DLGAP2: variants seen among roughly 807,000 people sequenced by gnomAD.
DLGAP2 encodes disks large-associated protein 2.
Under a neutral mutation model 100.3 loss-of-function variants are expected in DLGAP2, and 26 were observed. The ratio of observed to expected loss-of-function variants is 0.26; its 90% CI spans 0.19 to 0.36. The LOEUF (loss-of-function observed/expected upper bound fraction) is 0.36, where lower values mean the gene tolerates loss of function less well. DLGAP2 is among the 10% of genes least tolerant of loss of function. DLGAP2 has a pLI of 1.00. For synonymous variants in DLGAP2, 886 were observed against 630.1 expected (o/e 1.41, Z -6.08); for missense variants, 1,858 against 1,453.2 (o/e 1.28, Z -4.53).
intron 2 of DLGAP2, among the ~76,000 whole-genome samples, chr8:911,856 C>G (rs940750022): frequency 6.6e-6 from 1 of 152,210 alleles, no homozygotes; most frequent in South Asian, 2.1e-4. Flanking sequence ...TCCACATTTC[C>G]CTGACAGTGA....
In DLGAP2 at chr8:1,676,548, G is replaced by T. The variant is rs1798815190; in HGVS notation, c.2218G>T (p.Asp740Tyr). The change falls in exon 11 of 15, where the codon GAT (aspartate) becomes TAT (tyrosine). Residue 740 changes from aspartate (D) to tyrosine (Y), a missense_variant. Physicochemically the swap from Asp to Tyr is radical, Grantham distance 160. Transcript: ENST00000637795. ...GTTGAATTAGGTGGAAACGGCCACA[G>T]ATTCTGACACGGAGAGCCGCGGTCT... ...YPRSDVETAT[D>Y]SDTESRGLRE... is the part of the protein sequence containing the mutation. 1 of 1,613,424 alleles carries T rather than the reference G, an allele frequency of 6.2e-7. No homozygotes were observed. The highest frequency in any genetic ancestry group is 2.2e-5 in the East Asian group (1 of 44,878).
At chr8:1,565,162 G>A (rs1236521195) in intron 5 of DLGAP2, among the ~76,000 whole-genome samples, 1 of 152,180 alleles carries the variant, frequency 6.6e-6, no homozygotes, top group South Asian at 2.1e-4. Context: ...GATGTGGCTG[G>A]GCAAGATCCT....
At chr8:1,244,180 C>T (rs564314679) in intron 2 of DLGAP2, among the ~76,000 whole-genome samples, 47 of 152,326 alleles carry the variant, frequency 3.1e-4, no homozygotes, top group African/African-American at 9.1e-4. Flanking sequence ...CCTCTGAGTG[C>T]GATACGGTTA....
At chr8:1,199,471 C>G (rs1272618126) in intron 2 of DLGAP2, among the ~76,000 whole-genome samples, 2 of 152,112 alleles carry the variant, frequency 1.3e-5, no homozygotes, top group Non-Finnish European at 2.9e-5. Context: ...GGTAGGAGGA[C>G]ACAGTAAAGG....
chr8:1,677,247 A>G (rs1369067164), intron 11 of DLGAP2, among the ~76,000 whole-genome samples: 2 of 152,096 alleles, frequency 1.3e-5, no homozygotes, highest in Non-Finnish European at 2.9e-5. Flanking sequence ...CACCCACCCT[A>G]TGGAGATTTT....
chr8:1,653,855 A>G (rs995907286), intron 8 of DLGAP2, among the ~76,000 whole-genome samples: 3 of 152,128 alleles, frequency 2.0e-5, no homozygotes, highest in African/African-American at 7.2e-5. Flanking sequence ...GATTTAGGAT[A>G]TATTCATTTG....
chr8:1,207,639 C>G (rs535835749), intron 2 of DLGAP2, among the ~76,000 whole-genome samples: 1 of 152,184 alleles, frequency 6.6e-6, no homozygotes, highest in African/African-American at 2.4e-5. Flanking sequence ...TAAGGAGTCT[C>G]CACACTGTTT....
intron 2 of DLGAP2, among the ~76,000 whole-genome samples, chr8:1,183,859 C>T (rs75431443): frequency 0.031 from 4,691 of 152,298 alleles, 113 homozygotes; most frequent in East Asian, 0.16. Flanking sequence ...AGCAGGTGTG[C>T]ACCCTGGGTA....
chr8:1,523,206 G>A (rs1800670057), intron 4 of DLGAP2, among the ~76,000 whole-genome samples: 1 of 152,222 alleles, frequency 6.6e-6, no homozygotes, highest in Non-Finnish European at 1.5e-5. Context: ...TCCTGCCAGG[G>A]GCCCACAGCA....
chr8:1,343,397 C>G (rs1364187008), intron 3 of DLGAP2, among the ~76,000 whole-genome samples: 2 of 152,088 alleles, frequency 1.3e-5, no homozygotes, highest in African/African-American at 4.8e-5. Context: ...AGCCTGTGTC[C>G]TGGGGTTTTC....
At chr8:1,650,117 T>C (rs1798129056) in intron 8 of DLGAP2, among the ~76,000 whole-genome samples, 1 of 152,204 alleles carries the variant, frequency 6.6e-6, no homozygotes, top group Admixed American at 6.5e-5. Flanking sequence ...AACGAGTATT[T>C]CTTGTATCCA....
chr8:1,468,931 G>C (rs192206735), intron 3 of DLGAP2, among the ~76,000 whole-genome samples: 1 of 152,238 alleles, frequency 6.6e-6, no homozygotes, highest in Non-Finnish European at 1.5e-5. Flanking sequence ...TCTCTCCTTA[G>C]AAAGACATCG....
chr8:765,498 C>T (rs920117477), intron 1 of DLGAP2, among the ~76,000 whole-genome samples: 3 of 151,994 alleles, frequency 2.0e-5, no homozygotes, highest in East Asian at 1.9e-4. Flanking sequence ...TTGCCAGATA[C>T]GTGGCATTTG....
intron 2 of DLGAP2, among the ~76,000 whole-genome samples, chr8:1,136,337 C>T (rs1255908583): frequency 6.6e-6 from 1 of 152,116 alleles, no homozygotes; most frequent in Non-Finnish European, 1.5e-5. Context: ...ATGAAGTGGG[C>T]TTGTAACTCA....
At chr8:846,279 G>A (rs2128986586) in intron 1 of DLGAP2, among the ~76,000 whole-genome samples, 1 of 152,056 alleles carries the variant, frequency 6.6e-6, no homozygotes, top group South Asian at 2.1e-4. Context: ...CCTTCCTTTT[G>A]CCATCTCCTC....
chr8:938,653 G>C (rs1272497978), intron 2 of DLGAP2, among the ~76,000 whole-genome samples: 2 of 152,234 alleles, frequency 1.3e-5, no homozygotes, highest in Non-Finnish European at 2.9e-5. Context: ...TCAGAAGCCA[G>C]AGTGTGACCT....
At chr8:1,441,944 A>G (rs1208150526) in intron 3 of DLGAP2, among the ~76,000 whole-genome samples, 2 of 152,182 alleles carry the variant, frequency 1.3e-5, no homozygotes, top group Non-Finnish European at 2.9e-5. Context: ...AAGGGACAAG[A>G]TCATGTATTT....
chr8:1,232,713 A>C (rs1005528812), intron 2 of DLGAP2, among the ~76,000 whole-genome samples: 1 of 152,218 alleles, frequency 6.6e-6, no homozygotes, highest in Admixed American at 6.5e-5. Context: ...GACAAGGTGC[A>C]TGTTCAGTGA....
intron 2 of DLGAP2, among the ~76,000 whole-genome samples, chr8:1,182,313 T>G (rs190983664): frequency 3.5e-4 from 53 of 152,382 alleles, no homozygotes; most frequent in Non-Finnish European, 6.6e-4. Flanking sequence ...GTCCCTTGAC[T>G]GTGGCAGTGC....
Sources: allele counts gnomAD v4.1 joint callset (sites outside exome capture counted in the v4.1 genomes callset), GRCh38; gene constraint gnomAD v4.1.1; transcripts MANE v1.5; gene names NCBI Gene and HGNC (gene_info 2026-07-23, HGNC 2026-07-21).